Variants in ANKRD18A observed in about 807,000 individuals in gnomAD.
ANKRD18A encodes ankyrin repeat domain 18A.
A neutral mutation model predicts 110.6 loss-of-function variants in ANKRD18A; 72 were observed. That is an observed-to-expected ratio of 0.65 (90% CI 0.54 to 0.79). The LOEUF (loss-of-function observed/expected upper bound fraction) is 0.79, where lower values mean the gene tolerates loss of function less well. Ranked by LOEUF, ANKRD18A falls within the 30% of genes least tolerant of loss-of-function variation. ANKRD18A has a pLI of 0.00. For missense variants in ANKRD18A, 934 were observed against 1,163.3 expected (o/e 0.80, Z 2.87); for synonymous variants, 305 against 410.3 (o/e 0.74, Z 3.10).
chr9:38,592,149 T>G (rs1186889359), intron 10 of ANKRD18A, among the ~76,000 whole-genome samples: 1 of 152,242 alleles, frequency 6.6e-6, no homozygotes, highest in East Asian at 1.9e-4. Context: ...GGTTTTAATT[T>G]CATATTTAAT....
intron 3 of ANKRD18A, among the ~76,000 whole-genome samples, chr9:38,611,577 C>G (rs1825624086): frequency 1.3e-5 from 2 of 152,206 alleles, no homozygotes; most frequent in African/African-American, 4.8e-5. Flanking sequence ...TTGCTTCTAT[C>G]TCAGCATTTA....
downstream of ANKRD18A, chr9:38,571,161 T>C (rs1163742100): frequency 6.5e-7 from 1 of 1,534,554 alleles, no homozygotes; most frequent in East Asian, 2.4e-5. Context: ...TGGGGACTAG[T>C]GAGCGCATGA....
At chr9:38,600,946 T>C (rs1227856055) in intron 8 of ANKRD18A, among the ~76,000 whole-genome samples, 185 bp downstream of exon 8, 4 of 152,232 alleles carry the variant, frequency 2.6e-5, no homozygotes, top group Non-Finnish European at 4.4e-5. Context: ...TGAGTTACTA[T>C]AGACTATTAG....
chr9:38,595,911 G>T lies in ANKRD18A; in HGVS notation c.1429C>A (p.His477Asn). ...GTATTGAACTTCACCCGAGCTTTAT[G>T]GACCTGTTCAGTAAGCAACTCATTC... ...DKNELLTEQV[H>N]KARVKFNTLK... is the part of the protein sequence containing the mutation. Residue 477 changes from histidine to asparagine, a missense_variant, in exon 9 of 16, where the codon CAT (histidine) becomes AAT (asparagine). Physicochemically the swap from His to Asn is moderately conservative, Grantham distance 68. Transcript: ENST00000399703. 1 of 1,551,106 alleles carries T rather than the reference G, an allele frequency of 6.4e-7. No individual in the cohort carries two copies. Among genetic ancestry groups the T allele is most frequent in the East Asian group, 2.4e-5 (1 of 40,904 alleles).
At chr9:38,581,419 A>G (rs1362662598) in intron 12 of ANKRD18A, among the ~76,000 whole-genome samples, 1 of 152,230 alleles carries the variant, frequency 6.6e-6, no homozygotes, top group East Asian at 1.9e-4. Flanking sequence ...GCAAGAAGAC[A>G]CATGATTTGA....
chr9:38,605,424 A>T (rs1825309452), intron 6 of ANKRD18A, among the ~76,000 whole-genome samples: 1 of 152,196 alleles, frequency 6.6e-6, no homozygotes, highest in Admixed American at 6.5e-5. Flanking sequence ...AATTTGCCAA[A>T]CCTAACTTAT....
chr9:38,602,859 G>A (rs569178281), intron 7 of ANKRD18A, among the ~76,000 whole-genome samples: 2 of 152,254 alleles, frequency 1.3e-5, no homozygotes, highest in South Asian at 2.1e-4. Flanking sequence ...AAATAGTCAC[G>A]GGGTCTGGCG....
the ANKRD18A span, chr9:38,566,261 T>G: frequency 6.6e-6 from 1 of 150,432 alleles, no homozygotes; most frequent in South Asian, 2.1e-4. Context: ...GTTACAAAGT[T>G]CAAAGTCTCA....
At chr9:38,590,913 G>A (rs895305375) in intron 10 of ANKRD18A, among the ~76,000 whole-genome samples, 33 of 152,234 alleles carry the variant, frequency 2.2e-4, no homozygotes, top group African/African-American at 6.3e-4. Context: ...ACATCAAAGC[G>A]GCTAATAATT....
At chr9:38,594,356 T>C (rs1247903305) in intron 9 of ANKRD18A, among the ~76,000 whole-genome samples, 1 of 152,098 alleles carries the variant, frequency 6.6e-6, no homozygotes, top group Non-Finnish European at 1.5e-5. Context: ...CACCCCTCAT[T>C]AGTCTGAAAA....
chr9:38,602,956 C>T (rs998954466), intron 7 of ANKRD18A, among the ~76,000 whole-genome samples: 17 of 152,182 alleles, frequency 1.1e-4, no homozygotes, highest in African/African-American at 4.1e-4. Flanking sequence ...CAGGAGCCAC[C>T]GTCCCCAGCA....
chr9:38,620,223 T>C lies in ANKRD18A; in HGVS notation c.63A>G (p.Gln21=), dbSNP rs563726167. Residue 21 remains glutamine (Q), a synonymous_variant, in exon 1 of 16, where the codon CAA becomes CAG. Coordinates refer to ENST00000399703, the MANE Select transcript of ANKRD18A (RefSeq NM_147195.4). ...TGTCGTAACCCGGACCCGCATACTC[T>C]TGGTCCATGGAGCTCAGGAGCGCCT... is the stretch of plus-strand genomic sequence containing the variant. ...LGQALLSSMD[Q]EYAGPGYDIR... 1.9e-6 allele frequency: 3 copies of C among 1,551,842 alleles called. No homozygotes were observed. The highest frequency in any genetic ancestry group is 1.2e-5 in the South Asian group (1 of 84,066).
intron 11 of ANKRD18A, among the ~76,000 whole-genome samples, chr9:38,586,839 C>T (rs1488006011): frequency 6.6e-6 from 1 of 152,150 alleles, no homozygotes; most frequent in East Asian, 1.9e-4. Context: ...GCTGGGATTA[C>T]AGGCATGAGC....
chr9:38,569,435 C>A (rs1245910183), downstream of ANKRD18A: 10 of 985,082 alleles, frequency 1.0e-5, no homozygotes, highest in African/African-American at 3.5e-5. Flanking sequence ...TGAGATGTGC[C>A]TTTCACCTAG....
At chr9:38,618,573 A>G (rs1201871736) in intron 1 of ANKRD18A, among the ~76,000 whole-genome samples, 1 of 152,206 alleles carries the variant, frequency 6.6e-6, no homozygotes, top group South Asian at 2.1e-4. Context: ...CATTTTTAAA[A>G]TGTGGTAATT....
Position 38,573,092 on chromosome 9 carries a change from G to C in ANKRD18A, c.2965-1033C>G, listed in dbSNP as rs752579578. 2.1e-6 allele frequency: 3 copies of C among 1,417,196 alleles called. No homozygotes were observed. In the South Asian group the frequency reaches 5.1e-5, roughly 24 times the overall value. The allele number at this position is 1,417,196 out of a possible 1,614,324, so 87.8% of individuals were successfully genotyped here. A position where few individuals can be genotyped will look rare whatever the true frequency, so the allele number is the denominator to read the frequency against. Reference sequence around the variant, plus strand: ...ACATTTTGGCAACATACTTTTCTTTGTTCCTGTAATTATTTGTTCTACACG... The same window carrying C: ...ACATTTTGGCAACATACTTTTCTTTCTTCCTGTAATTATTTGTTCTACACG... On this transcript the variant is annotated intron_variant, in intron 15 of 15. Coordinates refer to ENST00000399703, the MANE Select transcript of ANKRD18A (RefSeq NM_147195.4).
rs60228502 is a variant in ANKRD18A at position 38,575,093 on chromosome 9, CAA to C, written c.2964+381_2964+382del. The stretch of plus-strand genomic sequence containing the variant: ...TAGGCAACAGAGCAAGACACCATCT[CAA>C]AAAAAAAAAAAAAGTGATATGAACC... On this transcript the variant is annotated intron_variant, in intron 15 of 15. Coordinates refer to ENST00000399703, the MANE Select transcript of ANKRD18A (RefSeq NM_147195.4). 7.5e-3 allele frequency among the ~76,000 whole-genome samples: 960 copies of C among 127,400 alleles called. 11 individuals are homozygous for C. Among genetic ancestry groups the C allele is most frequent in the East Asian group, 0.069 (306 of 4,434 alleles). The allele number at this position is 127,400 out of a possible 152,430, so 83.6% of individuals were successfully genotyped here.
chr9:38,600,003 T>C (rs896322198), intron 8 of ANKRD18A, among the ~76,000 whole-genome samples: 1 of 152,234 alleles, frequency 6.6e-6, no homozygotes, highest in Non-Finnish European at 1.5e-5. Flanking sequence ...AACTTTATTC[T>C]AAATTAAGTA....
At chr9:38,589,150 G>A (rs1323268986) in intron 10 of ANKRD18A, among the ~76,000 whole-genome samples, 2 of 152,128 alleles carry the variant, frequency 1.3e-5, no homozygotes, top group African/African-American at 4.8e-5. Flanking sequence ...GTATTCACCG[G>A]TAGGTTTCGG....
Sources: gnomAD v4.1 joint callset for allele counts (sites outside exome capture counted in the v4.1 genomes callset) on GRCh38, gnomAD v4.1.1 for gene constraint, MANE v1.5 for transcripts, NCBI Gene and HGNC (gene_info 2026-07-23, HGNC 2026-07-21) for gene names.